The following ABR variants were observed in gnomAD, a reference collection of about 807,000 sequenced individuals.
ABR encodes active breakpoint cluster region-related protein.
ABR carries 35 observed loss-of-function variants against 107.2 expected under a neutral mutation model. The observed-to-expected ratio is 0.33, with a 90% CI of 0.25 to 0.43. The LOEUF (loss-of-function observed/expected upper bound fraction) is 0.43. Ranked by LOEUF, ABR falls within the 20% of genes least tolerant of loss-of-function variation. The probability of loss-of-function intolerance (pLI) is 1.00; values close to 1 mark genes in which losing one functional copy is unlikely to be tolerated. For synonymous variants in ABR, 498 were observed against 462.0 expected, an observed-to-expected ratio of 1.08 and a Z score of -1.00; for missense variants, 815 against 1,115.2, an observed-to-expected ratio of 0.73 and a Z score of 3.83.
intron 16 of ABR, among the ~76,000 whole-genome samples, chr17:1,015,810 G>C (rs1170987552): frequency 1.3e-5 from 2 of 152,188 alleles, no homozygotes; most frequent in Non-Finnish European, 2.9e-5. Flanking sequence ...TTGGTGGAAT[G>C]CTCTCTCAAT....
At chr17:1,060,429 C>T (rs557543513) in intron 10 of ABR, among the ~76,000 whole-genome samples, 1 of 151,984 alleles carries the variant, frequency 6.6e-6, no homozygotes, top group Non-Finnish European at 1.5e-5. Context: ...GAAAAAGAAT[C>T]TGATACATCC....
At chr17:1,131,168 G>A (rs1354306647) in intron 1 of ABR, among the ~76,000 whole-genome samples, 35 of 68,348 alleles carry the variant, frequency 5.1e-4, no homozygotes, top group Non-Finnish European at 7.9e-4. Flanking sequence ...CCTGCCACGC[G>A]CACAGCTCCC....
chr17:1,197,973 C>CGCT (rs1439561143), intron 1 of ABR, among the ~76,000 whole-genome samples: 2 of 151,886 alleles, frequency 1.3e-5, no homozygotes, highest in East Asian at 1.9e-4. Flanking sequence ...GGAACACTGC[C>CGCT]GCTGCTGCTG....
Position 1,078,104 on chromosome 17 carries a change from G to GGTGTGTGTGTGTGTGTGTGT in ABR, c.700+1206_700+1225dup, listed in dbSNP as rs34146750. Among the ~76,000 whole-genome samples the GGTGTGTGTGTGTGTGTGTGT allele has an allele frequency of 6.7e-6, 1 of 148,400 alleles. No individual in the cohort carries two copies. The highest frequency in any genetic ancestry group is 2.0e-4 in the East Asian group (1 of 4,952). On this transcript the variant is annotated intron_variant, in intron 6 of 22. Transcript: ENST00000302538. This position sits in a 1 kb window ranked among gnomAD's most constrained non-coding sequence, Gnocchi z 7.5. ...GTCCGGGTCCCTTCCACCGAAAGGT[G>GGTGTGTGTGTGTGTGTGTGT]GTGTGTGTGTGTGTGTGTGTGTGTG...
intron 1 of ABR, among the ~76,000 whole-genome samples, chr17:1,193,896 G>T (rs775450230): frequency 2.6e-5 from 4 of 151,550 alleles, no homozygotes; most frequent in South Asian, 2.1e-4. Flanking sequence ...GGGTTTCACC[G>T]TGTTAGCCAG....
rs2070542196 is a variant in ABR, at chr17:1,011,495, C to T, written c.2101+351G>A. 1 of 183,768 alleles carries T rather than the reference C, an allele frequency of 5.4e-6. No homozygotes were observed. Among genetic ancestry groups the T allele is most frequent in the African/African-American group, 2.4e-5 (1 of 42,484 alleles). 11.4% of individuals were successfully genotyped at this position (183,768 alleles called of 1,614,324 possible). A position where few individuals can be genotyped will look rare whatever the true frequency, so the allele number is the denominator to read the frequency against. ...CAGAGGGGACCTGGGGCCCTGGAGACAGCAGGTGCAGGCTCAAAGCTCTTT... is the reference window on the plus strand; with the variant it reads ...CAGAGGGGACCTGGGGCCCTGGAGATAGCAGGTGCAGGCTCAAAGCTCTTT... On this transcript the variant is annotated intron_variant, in intron 19 of 22. Transcript: ENST00000302538. The surrounding 1 kb of genome is among the most constrained non-coding windows in gnomAD (Gnocchi z 4.8).
chr17:1,183,801 C>G (rs935279024), upstream of ABR, among the ~76,000 whole-genome samples: 1 of 152,076 alleles, frequency 6.6e-6, no homozygotes, highest in Non-Finnish European at 1.5e-5. Flanking sequence ...GCTGAATACA[C>G]AGTGGGTGGG....
Position 1,044,203 on chromosome 17 carries a change from G to GA in ABR, c.1791+5846_1791+5847insT, listed in dbSNP as rs1272992554. ...GGCAGGGGCAAGAGCCGGTGGAGGG[G>GA]GGGCTCCCAGCTAAGCGGACCTGGA... On this transcript the variant is annotated intron_variant, in intron 16 of 22. Transcript: ENST00000302538. Among the ~76,000 whole-genome samples the GA allele has an allele frequency of 2.6e-5, 4 of 152,018 alleles. No individual in the cohort carries two copies. The East Asian group carries it at 7.7e-4, about 29-fold the overall frequency.
At chr17:1,178,636 C>T (rs556415061) in intron 1 of ABR, among the ~76,000 whole-genome samples, 2 of 152,056 alleles carry the variant, frequency 1.3e-5, no homozygotes, top group Admixed American at 6.5e-5. Context: ...CTGAACCAGG[C>T]TCCACGTGGC....
chr17:1,177,482 C>G (rs1360408935), intron 1 of ABR, among the ~76,000 whole-genome samples: 1 of 152,190 alleles, frequency 6.6e-6, no homozygotes, highest in Non-Finnish European at 1.5e-5. Flanking sequence ...ACAGAACCCC[C>G]TAAGAGGCCT....
At chr17:1,193,344 G>A (rs892015560) in intron 1 of ABR, among the ~76,000 whole-genome samples, 15 of 150,098 alleles carry the variant, frequency 1.0e-4, no homozygotes, top group Non-Finnish European at 1.5e-4. Flanking sequence ...CCCTTCGGCC[G>A]ACGTGTCCCG....
intron 4 of ABR, among the ~76,000 whole-genome samples, chr17:1,089,426 G>A (rs1449095050): frequency 6.6e-6 from 1 of 152,256 alleles, no homozygotes; most frequent in Non-Finnish European, 1.5e-5. Context: ...AGCTGATTCA[G>A]AGCGGTTGGG....
At chr17:1,140,328 G>C (rs1423015660) in intron 1 of ABR, among the ~76,000 whole-genome samples, 1 of 152,182 alleles carries the variant, frequency 6.6e-6, no homozygotes, top group African/African-American at 2.4e-5. Context: ...GGACTGAGAA[G>C]ACTCATGGCC....
intron 1 of ABR, among the ~76,000 whole-genome samples, chr17:1,144,221 G>A (rs1013852018): frequency 4.6e-5 from 7 of 152,128 alleles, no homozygotes; most frequent in Non-Finnish European, 8.8e-5. Context: ...TATTGCAGAC[G>A]GGCCGTATAA....
chr17:1,047,856 T>G (rs2031864169), intron 16 of ABR, among the ~76,000 whole-genome samples: 1 of 152,044 alleles, frequency 6.6e-6, no homozygotes, highest in Non-Finnish European at 1.5e-5. Context: ...GCAATGGGGC[T>G]GAAGTCCAGG....
At chr17:1,016,064 C>T (rs551163556) in intron 16 of ABR, among the ~76,000 whole-genome samples, 35 of 152,306 alleles carry the variant, frequency 2.3e-4, no homozygotes, top group African/African-American at 8.2e-4. Flanking sequence ...ATTTTGTTCA[C>T]ATAAAGAAGT....
At chr17:1,186,572 ATGGC>A (rs2042302319) in intron 1 of ABR, among the ~76,000 whole-genome samples, 1 of 152,140 alleles carries the variant, frequency 6.6e-6, no homozygotes, top group Non-Finnish European at 1.5e-5. Flanking sequence ...CCCCGTTCCC[ATGGC>A]CAGGGGCCAC....
At chr17:1,212,119 G>A (rs1257448911) in intron 1 of ABR, among the ~76,000 whole-genome samples, 2 of 150,656 alleles carry the variant, frequency 1.3e-5, no homozygotes, top group African/African-American at 4.9e-5. Flanking sequence ...GAAGAAGAAT[G>A]AAACAGTGTT....
chr17:1,019,216 G>A (rs1191233239), intron 16 of ABR, among the ~76,000 whole-genome samples: 2 of 152,170 alleles, frequency 1.3e-5, no homozygotes, highest in Admixed American at 1.3e-4. Context: ...CTGATGCTAA[G>A]GCCCAGTTCT....
Sources: allele counts gnomAD v4.1 joint callset (sites outside exome capture counted in the v4.1 genomes callset), GRCh38; gene constraint gnomAD v4.1.1; non-coding constraint Gnocchi (gnomAD v3.1); transcripts MANE v1.5; gene names NCBI Gene and HGNC (gene_info 2026-07-23, HGNC 2026-07-21).